GPC6: variants seen among roughly 807,000 people sequenced by gnomAD.
The protein encoded by GPC6 is glypican 6, also known as glypican-6.
GPC6 carries 14 observed loss-of-function variants against 55.2 expected under a neutral mutation model. The ratio of observed to expected loss-of-function variants is 0.25; its 90% CI spans 0.17 to 0.40. GPC6 has a LOEUF of 0.40. Ranked by LOEUF, GPC6 falls within the 10% of genes least tolerant of loss-of-function variation. The pLI, the probability that GPC6 is intolerant of heterozygous loss-of-function variation, is 1.00. For missense variants in GPC6, 641 were observed against 708.5 expected, an observed-to-expected ratio of 0.90 and a Z score of 1.08; for synonymous variants, 278 against 259.6, an observed-to-expected ratio of 1.07 and a Z score of -0.68.
chr13:93,948,139 T>A (rs1879096120), intron 3 of GPC6, among the ~76,000 whole-genome samples: 1 of 152,206 alleles, frequency 6.6e-6, no homozygotes, highest in Non-Finnish European at 1.5e-5. Context: ...GAATTAACTT[T>A]GTCTTGGAGT....
intron 2 of GPC6, among the ~76,000 whole-genome samples, chr13:93,812,379 C>A (rs1443562813): frequency 6.6e-6 from 1 of 150,588 alleles, no homozygotes; most frequent in South Asian, 2.1e-4. Context: ...GAGCAAGACT[C>A]TGTCTCGGAA....
intron 2 of GPC6, among the ~76,000 whole-genome samples, chr13:93,731,973 C>T (rs150801700): frequency 7.2e-5 from 11 of 152,246 alleles, no homozygotes; most frequent in East Asian, 5.8e-4. Flanking sequence ...GTATTCCCAG[C>T]ACCTTCACAC....
chr13:93,255,532 TA>T (rs1257878933), intron 1 of GPC6, among the ~76,000 whole-genome samples: 1 of 152,210 alleles, frequency 6.6e-6, no homozygotes, highest in African/African-American at 2.4e-5. Flanking sequence ...TTTTTCCCCC[TA>T]CATGGAATTC....
At chr13:93,512,275 C>G (rs1584145) in intron 1 of GPC6, among the ~76,000 whole-genome samples, 126,858 of 152,052 alleles carry the variant, frequency 0.83, 53,984 homozygotes, top group Non-Finnish European at 0.92. Flanking sequence ...GAAAGGATTT[C>G]AACTTTTCCC....
chr13:93,903,451 C>A (rs894471152), intron 3 of GPC6, among the ~76,000 whole-genome samples: 1 of 152,196 alleles, frequency 6.6e-6, no homozygotes, highest in Non-Finnish European at 1.5e-5. Context: ...CAACTTCTTG[C>A]AGTGGGGTCA....
At chr13:93,524,344 A>T (rs1050113350) in intron 1 of GPC6, among the ~76,000 whole-genome samples, 1 of 152,044 alleles carries the variant, frequency 6.6e-6, no homozygotes, top group Non-Finnish European at 1.5e-5. Context: ...AGAAGGGGTG[A>T]ACATTGGAAG....
chr13:93,383,682 A>G (rs1875278349), intron 1 of GPC6, among the ~76,000 whole-genome samples: 2 of 152,140 alleles, frequency 1.3e-5, no homozygotes, highest in African/African-American at 4.8e-5. Context: ...TAATCATGCT[A>G]CTAAGAGAAG....
At chr13:94,337,782 A>C (rs1877795389) in intron 6 of GPC6, among the ~76,000 whole-genome samples, 1 of 152,158 alleles carries the variant, frequency 6.6e-6, no homozygotes, top group Admixed American at 6.6e-5. Context: ...AAGTAATCAG[A>C]TCTACATTTA....
At chr13:94,397,199 G>A (rs933587106) in intron 7 of GPC6, among the ~76,000 whole-genome samples, 8 of 151,952 alleles carry the variant, frequency 5.3e-5, no homozygotes, top group Non-Finnish European at 8.8e-5. Flanking sequence ...GGCTACAGGG[G>A]GGTGTCTCTC....
At chr13:94,040,601 A>G (rs1449986517) in intron 4 of GPC6, among the ~76,000 whole-genome samples, 14 of 151,994 alleles carry the variant, frequency 9.2e-5, no homozygotes, top group Admixed American at 8.5e-4. Context: ...AAAACCACCT[A>G]TCCCTCTTTG....
intron 6 of GPC6, among the ~76,000 whole-genome samples, chr13:94,368,765 G>C (rs930130957): frequency 6.6e-6 from 1 of 152,208 alleles, no homozygotes; most frequent in Non-Finnish European, 1.5e-5. Flanking sequence ...CACAGACCTT[G>C]TTTGGTTGCT....
intron 1 of GPC6, among the ~76,000 whole-genome samples, chr13:93,535,741 A>G (rs1477007817): frequency 6.6e-6 from 1 of 151,450 alleles, no homozygotes; most frequent in Non-Finnish European, 1.5e-5. Context: ...CTGATCATTC[A>G]TAATTGTCAG....
At position 93,480,232 on chromosome 13, in the gene GPC6, T is replaced by G. The variant is rs562344906; in HGVS notation, c.161-65031T>G. On this transcript the variant is annotated intron_variant, in intron 1 of 8. Transcript: ENST00000377047. ...CATTGATTTAGGGGAAATATGTTTC[T>G]TTAATATTGTTCTCAATGCATTGTA... is the stretch of plus-strand genomic sequence containing the variant. 9.2e-5 allele frequency among the ~76,000 whole-genome samples: 14 copies of G among 152,342 alleles called. No individual in the cohort carries two copies. The South Asian group carries it at 2.7e-3, about 29-fold the overall frequency.
At chr13:93,275,266 A>G (rs947167496) in intron 1 of GPC6, among the ~76,000 whole-genome samples, 3 of 152,210 alleles carry the variant, frequency 2.0e-5, no homozygotes, top group African/African-American at 7.2e-5. Context: ...TTAATTGGGT[A>G]CATGAAATGG....
intron 4 of GPC6, among the ~76,000 whole-genome samples, chr13:94,185,237 A>G (rs1889131340): frequency 6.7e-6 from 1 of 149,858 alleles, no homozygotes; most frequent in African/African-American, 2.5e-5. Context: ...AAACTTGCAC[A>G]TGGACTCCAA....
chr13:93,478,063 G>C (rs1879364481), intron 1 of GPC6, among the ~76,000 whole-genome samples: 1 of 152,066 alleles, frequency 6.6e-6, no homozygotes, highest in Non-Finnish European at 1.5e-5. Context: ...GCATTTTGGG[G>C]ACATTTACTA....
At chr13:93,553,610 G>T (rs1318432193) in intron 2 of GPC6, among the ~76,000 whole-genome samples, 1 of 148,160 alleles carries the variant, frequency 6.7e-6, no homozygotes, top group Non-Finnish European at 1.5e-5. Context: ...CAGGAGAATC[G>T]CTTGTACCCA....
intron 4 of GPC6, among the ~76,000 whole-genome samples, chr13:94,202,781 A>G (rs1215225553): frequency 6.6e-6 from 1 of 152,098 alleles, no homozygotes; most frequent in Non-Finnish European, 1.5e-5. Context: ...CCTCAGAGGG[A>G]TGGGATGGTA....
intron 4 of GPC6, among the ~76,000 whole-genome samples, chr13:94,086,502 G>A (rs915504098): frequency 2.0e-5 from 3 of 151,838 alleles, no homozygotes; most frequent in Admixed American, 1.3e-4. Flanking sequence ...CTGTAGAAAT[G>A]TGCATGGTTT....
Sources: allele counts gnomAD v4.1 joint callset (sites outside exome capture counted in the v4.1 genomes callset), GRCh38; gene constraint gnomAD v4.1.1; transcripts MANE v1.5; gene names NCBI Gene and HGNC (gene_info 2026-07-23, HGNC 2026-07-21).